ZBTB37: variants seen among roughly 807,000 people sequenced by gnomAD.
ZBTB37 encodes zinc finger and BTB domain-containing protein 37.
ZBTB37 carries 15 observed loss-of-function variants against 37.7 expected under a neutral mutation model. The ratio of observed to expected loss-of-function variants is 0.40; its 90% CI spans 0.27 to 0.61. The LOEUF is 0.61. Ranked by LOEUF, ZBTB37 falls within the 20% of genes least tolerant of loss-of-function variation. The pLI, the probability that ZBTB37 is intolerant of heterozygous loss-of-function variation, is 0.44. For missense variants in ZBTB37, 514 were observed against 641.9 expected, an observed-to-expected ratio of 0.80 and a Z score of 2.15; for synonymous variants, 231 against 220.6, an observed-to-expected ratio of 1.05 and a Z score of -0.42.
intron 4 of ZBTB37, among the ~76,000 whole-genome samples, chr1:173,877,148 A>G (rs1056986729): frequency 6.6e-6 from 1 of 152,216 alleles, no homozygotes; most frequent in South Asian, 2.1e-4. Flanking sequence ...TATGTGGTCC[A>G]TCACTGACCA....
At chr1:173,874,241 G>A (rs1441223762) in intron 4 of ZBTB37, among the ~76,000 whole-genome samples, 5 of 134,244 alleles carry the variant, frequency 3.7e-5, no homozygotes, top group Non-Finnish European at 7.9e-5. Context: ...GGCCACAAGA[G>A]TGAAACTCCG....
At chr1:173,871,108 G>A (rs1254309879) in exon 3 of ZBTB37, 1 of 1,612,564 alleles carries the variant, frequency 6.2e-7, no homozygotes, top group South Asian at 1.1e-5. Flanking sequence ...AGGGTCTTCA[G>A]GAGCCAAGGT....
chr1:173,896,129 A>C (rs1428160047), exon 4 of ZBTB37: 3 of 152,222 alleles, frequency 2.0e-5, no homozygotes, highest in Non-Finnish European at 2.9e-5. Context: ...GGGAAAAAGA[A>C]GACCTTGGCA....
At chr1:173,869,395 A>T (rs1037869515) in intron 2 of ZBTB37, among the ~76,000 whole-genome samples, 5 of 152,212 alleles carry the variant, frequency 3.3e-5, no homozygotes, top group Non-Finnish European at 7.3e-5. Flanking sequence ...GCCATTTTTT[A>T]AAAATATTTT....
exon 4 of ZBTB37, chr1:173,894,614 G>A (rs1283534429): frequency 6.6e-6 from 1 of 152,140 alleles, no homozygotes; most frequent in East Asian, 1.9e-4. Context: ...TAAAGGCCAG[G>A]CCTAGAATTA....
chr1:173,870,237 T>A (rs1171366058), exon 3 of ZBTB37: 1 of 1,610,660 alleles, frequency 6.2e-7, no homozygotes, highest in Admixed American at 1.7e-5. Context: ...TGGAGAAAGG[T>A]GGGAACATAC....
chr1:173,896,201 T>G (rs1418905638), exon 4 of ZBTB37: 1 of 152,254 alleles, frequency 6.6e-6, no homozygotes, highest in Non-Finnish European at 1.5e-5. Context: ...ATTAATTAGA[T>G]TTTATCATAT....
chr1:173,873,957 A>G (rs1214442960), intron 4 of ZBTB37, among the ~76,000 whole-genome samples: 1 of 152,224 alleles, frequency 6.6e-6, no homozygotes, highest in Non-Finnish European at 1.5e-5. Flanking sequence ...TTAGCAAACT[A>G]GAAATACAAG....
chr1:173,888,111 A>G (rs1161203358), downstream of ZBTB37: 1 of 152,230 alleles, frequency 6.6e-6, no homozygotes, highest in Non-Finnish European at 1.5e-5. Flanking sequence ...TGTCTTTAGA[A>G]GACATAGACT....
intron 3 of ZBTB37, among the ~76,000 whole-genome samples, chr1:173,872,168 A>G (rs1655611673): frequency 6.6e-6 from 1 of 152,038 alleles, no homozygotes; most frequent in Admixed American, 6.6e-5. Flanking sequence ...TCCCAGGTTC[A>G]CACCATTCTT....
chr1:173,883,331 T>C (rs1274439517), intron 4 of ZBTB37, among the ~76,000 whole-genome samples: 1 of 152,044 alleles, frequency 6.6e-6, no homozygotes, highest in Non-Finnish European at 1.5e-5. Flanking sequence ...ATACAAAAAA[T>C]TAGCCAGGCA....
At chr1:173,892,969 C>G (rs1656903100) in exon 4 of ZBTB37, 1 of 152,234 alleles carries the variant, frequency 6.6e-6, no homozygotes, top group African/African-American at 2.4e-5. Flanking sequence ...GTGGCTCAAT[C>G]TTGGCTCACT....
chr1:173,890,757 A>G (rs1656810705), downstream of ZBTB37: 1 of 152,196 alleles, frequency 6.6e-6, no homozygotes, highest in South Asian at 2.1e-4. Flanking sequence ...GAAAATTATA[A>G]TGGAATAGGG....
At chr1:173,870,960 C>G in exon 3 of ZBTB37, 2 of 1,614,206 alleles carry the variant, frequency 1.2e-6, no homozygotes, top group Non-Finnish European at 8.5e-7. Context: ...CAGTACACAT[C>G]AAAACTGAAA....
At position 173,870,187 on chromosome 1, in the gene ZBTB37, C is replaced by A. The variant is rs1557880804; in HGVS notation, c.-29-10C>A. The A allele has an allele frequency of 1.3e-6, 2 of 1,507,272 alleles. No homozygotes were observed. Among genetic ancestry groups the A allele is most frequent in the Non-Finnish European group, 1.8e-6 (2 of 1,122,292 alleles). 93.4% of individuals were successfully genotyped at this position (1,507,272 alleles called of 1,614,324 possible). On this transcript the variant is annotated splice_polypyrimidine_tract_variant and intron_variant, in intron 2 of 4. Transcript: ENST00000427304. Reference sequence around the variant, plus strand: ...ATAATTATTAATGAGAATATGGTTTCTTTTTTCAGCAGGGTTGAATGCACC... The same window carrying A: ...ATAATTATTAATGAGAATATGGTTTATTTTTTCAGCAGGGTTGAATGCACC...
exon 3 of ZBTB37, chr1:173,870,546 T>C: frequency 6.2e-7 from 1 of 1,614,198 alleles, no homozygotes; most frequent in South Asian, 1.1e-5. Flanking sequence ...CAGCTGCCAG[T>C]TTTCTGCAAA....
At chr1:173,900,755 A>T (rs1657223126) in exon 4 of ZBTB37, 1 of 152,224 alleles carries the variant, frequency 6.6e-6, no homozygotes, top group Admixed American at 6.5e-5. Context: ...TTTGCTTAGC[A>T]TGTAAATGCT....
intron 4 of ZBTB37, among the ~76,000 whole-genome samples, chr1:173,884,612 A>T (rs1186144859): frequency 1.3e-5 from 2 of 152,238 alleles, no homozygotes; most frequent in African/African-American, 2.4e-5. Context: ...TTCATATGAT[A>T]CTGAAATATT....
exon 4 of ZBTB37, chr1:173,903,413 T>G (rs1435613596): frequency 6.0e-6 from 1 of 166,468 alleles, no homozygotes; most frequent in East Asian, 1.8e-4. Flanking sequence ...GCAACTTGGT[T>G]AGTAATCTGA....
Sources: gnomAD v4.1 joint callset for allele counts (sites outside exome capture counted in the v4.1 genomes callset) on GRCh38, gnomAD v4.1.1 for gene constraint, MANE v1.5 for transcripts, NCBI Gene and HGNC (gene_info 2026-07-23, HGNC 2026-07-21) for gene names.